FAM81A: variants seen among roughly 807,000 people sequenced by gnomAD.
FAM81A encodes protein FAM81A.
Under a neutral mutation model 46.7 loss-of-function variants are expected in FAM81A, and 19 were observed. The observed-to-expected ratio is 0.41, with a 90% CI of 0.28 to 0.60. The LOEUF is 0.60. Ranked by LOEUF, FAM81A falls within the 20% of genes least tolerant of loss-of-function variation. FAM81A has a pLI of 0.34. For missense variants in FAM81A, 377 were observed against 453.5 expected (o/e 0.83, Z 1.53); for synonymous variants, 183 against 152.9 (o/e 1.20, Z -1.45).
At chr15:59,500,751 T>A (rs2082082744) in intron 4 of FAM81A, among the ~76,000 whole-genome samples, 2 of 152,118 alleles carry the variant, frequency 1.3e-5, no homozygotes, top group Non-Finnish European at 2.9e-5. Flanking sequence ...ATTTTCAAGT[T>A]CACTAGTCTT....
chr15:59,400,654 T>A (rs1327888783), intron 1 of FAM81A, among the ~76,000 whole-genome samples: 4 of 152,196 alleles, frequency 2.6e-5, no homozygotes, highest in African/African-American at 9.6e-5. Context: ...CCAGCCTCCT[T>A]GGCTGACTTT....
At chr15:59,442,056 A>C (rs2081304017) in intron 1 of FAM81A, among the ~76,000 whole-genome samples, 1 of 152,186 alleles carries the variant, frequency 6.6e-6, no homozygotes. Flanking sequence ...TGAATAACTT[A>C]AAGAAAACAC....
At chr15:59,429,733 A>G (rs1488934157) in intron 2 of FAM81A, among the ~76,000 whole-genome samples, 1 of 152,248 alleles carries the variant, frequency 6.6e-6, no homozygotes, top group Non-Finnish European at 1.5e-5. Context: ...TAATTAGAAA[A>G]TTTTATCTCC....
intron 2 of FAM81A, among the ~76,000 whole-genome samples, chr15:59,421,765 A>C (rs1229425338): frequency 1.3e-5 from 2 of 150,896 alleles, no homozygotes; most frequent in Non-Finnish European, 2.9e-5. Context: ...CTATCTATCT[A>C]TCTATCTATC....
At chr15:59,427,325 G>A (rs902878266) in intron 2 of FAM81A, among the ~76,000 whole-genome samples, 1 of 151,734 alleles carries the variant, frequency 6.6e-6, no homozygotes, top group African/African-American at 2.4e-5. Context: ...TGGCCAGGCT[G>A]GTCTTAAACT....
At chr15:59,441,340 A>G (rs1192569582) in intron 1 of FAM81A, among the ~76,000 whole-genome samples, 1 of 152,218 alleles carries the variant, frequency 6.6e-6, no homozygotes, top group East Asian at 1.9e-4. Flanking sequence ...AATATTTTAT[A>G]TCTGCACTGT....
intron 4 of FAM81A, 111 bp from the exon 5 acceptor site, chr15:59,507,102 T>C: frequency 7.5e-7 from 1 of 1,336,202 alleles, no homozygotes; most frequent in Non-Finnish European, 1.0e-6. Flanking sequence ...AAAAGAATGA[T>C]GGATAGTGCA....
Position 59,508,932 on chromosome 15 carries a change from A to C in FAM81A, c.613A>C (p.Arg205=). The stretch of plus-strand genomic sequence containing the variant: ...GAGCACCAAACTGAAGATGTCTCAC[A>C]GAGACAGTAACCACCAGCTTCAGCT... The part of the protein sequence containing the change: ...EQSTKLKMSH[R]DSNHQLQLLD... Residue 205 remains arginine, a synonymous_variant, in exon 6 of 9, where the codon AGA becomes CGA. Coordinates refer to ENST00000288228, the MANE Select transcript of FAM81A (RefSeq NM_152450.3). The C allele has an allele frequency of 6.2e-7, 1 of 1,613,330 alleles. No homozygotes were observed. Among genetic ancestry groups the C allele is most frequent in the Non-Finnish European group, 8.5e-7 (1 of 1,179,444 alleles).
At chr15:59,493,885 G>A (rs1365260542) in intron 4 of FAM81A, among the ~76,000 whole-genome samples, 1 of 152,094 alleles carries the variant, frequency 6.6e-6, no homozygotes, top group Non-Finnish European at 1.5e-5. Context: ...ACCGCGCCCG[G>A]CCTCCTCCTT....
At chr15:59,431,171 A>T (rs1330652186) in intron 2 of FAM81A, among the ~76,000 whole-genome samples, 1 of 152,110 alleles carries the variant, frequency 6.6e-6, no homozygotes, top group Non-Finnish European at 1.5e-5. Context: ...CCTGCTGGAC[A>T]TCACTCTTTC....
chr15:59,492,151 A>G (rs1480783911), intron 3 of FAM81A, 120 bp from the exon 4 acceptor site: 16 of 695,810 alleles, frequency 2.3e-5, no homozygotes, highest in Non-Finnish European at 4.9e-6. Context: ...TGACTGTTGA[A>G]AAGGAGTCTC....
At chr15:59,451,393 C>T (rs1171153045) in intron 1 of FAM81A, among the ~76,000 whole-genome samples, 1 of 152,064 alleles carries the variant, frequency 6.6e-6, no homozygotes, top group Non-Finnish European at 1.5e-5. Context: ...TAATGCATCC[C>T]CCTCTATTAT....
chr15:59,428,913 G>GT, intron 2 of FAM81A, among the ~76,000 whole-genome samples: 1 of 152,106 alleles, frequency 6.6e-6, no homozygotes, highest in Admixed American at 6.5e-5. Flanking sequence ...TTACAGGCGT[G>GT]AGCCACCACA....
chr15:59,411,020 G>A (rs959515038), intron 2 of FAM81A, among the ~76,000 whole-genome samples: 1 of 152,178 alleles, frequency 6.6e-6, no homozygotes, highest in Non-Finnish European at 1.5e-5. Flanking sequence ...AAAGTGCTGG[G>A]ATTACAGAGG....
chr15:59,461,997 A>G (rs2081557185), intron 3 of FAM81A, among the ~76,000 whole-genome samples: 1 of 152,050 alleles, frequency 6.6e-6, no homozygotes, highest in South Asian at 2.1e-4. Flanking sequence ...AGGTCAGGAG[A>G]TTGAGACCAT....
At chr15:59,401,339 T>C in intron 1 of FAM81A, 1 of 791,836 alleles carries the variant, frequency 1.3e-6, no homozygotes, top group Non-Finnish European at 2.3e-6. Context: ...CACATTTACC[T>C]CCATGGCAGT....
intron 3 of FAM81A, among the ~76,000 whole-genome samples, chr15:59,466,757 T>C (rs2081619060): frequency 6.6e-6 from 1 of 152,220 alleles, no homozygotes; most frequent in East Asian, 1.9e-4. Flanking sequence ...TTGCTTTTGG[T>C]GTTTTAGGCA....
chr15:59,462,331 T>C (rs1317804980), intron 3 of FAM81A, among the ~76,000 whole-genome samples: 1 of 152,240 alleles, frequency 6.6e-6, no homozygotes, highest in Non-Finnish European at 1.5e-5. Flanking sequence ...TATCTTTTTT[T>C]ATTATAGTCA....
chr15:59,407,072 G>GT (rs1349683375), intron 2 of FAM81A: 2 of 160,736 alleles, frequency 1.2e-5, no homozygotes, highest in South Asian at 1.7e-4. Context: ...GGATCTCATC[G>GT]TATCTGCTGT....
Sources: gnomAD v4.1 joint callset for allele counts (sites outside exome capture counted in the v4.1 genomes callset) on GRCh38, gnomAD v4.1.1 for gene constraint, MANE v1.5 for transcripts, NCBI Gene and HGNC (gene_info 2026-07-23, HGNC 2026-07-21) for gene names.